Variants in COG6 observed in about 807,000 individuals in gnomAD.
The protein encoded by COG6 is component of oligomeric golgi complex 6, also known as conserved oligomeric Golgi complex subunit 6.
COG6 carries 74 observed loss-of-function variants against 88.8 expected under a neutral mutation model. The observed-to-expected ratio is 0.83, with a 90% CI of 0.69 to 1.01. COG6 has a LOEUF of 1.01. Among genes scored for constraint, COG6 ranks in the 50% least tolerant of loss-of-function variants. The pLI, the probability that COG6 is intolerant of heterozygous loss-of-function variation, is 0.00. For synonymous variants in COG6, 286 were observed against 278.7 expected, an observed-to-expected ratio of 1.03 and a Z score of -0.26; for missense variants, 800 against 797.9, an observed-to-expected ratio of 1.00 and a Z score of -0.03.
In COG6 at chr13:39,678,858, G is replaced by T. The variant is rs774740240; in HGVS notation, c.541-680G>T. ...CTGCCCTCATGTTTTGAGGAACTTT[G>T]CACATATGAAATATTTGACATATCA... On this transcript the variant is annotated intron_variant, in intron 5 of 18. Coordinates refer to ENST00000455146, the MANE Select transcript of COG6 (RefSeq NM_020751.3). Among the ~76,000 whole-genome samples the T allele has an allele frequency of 5.9e-5, 9 of 151,974 alleles. No homozygotes were observed. The East Asian group carries it at 1.2e-3, about 20-fold the overall frequency.
At chr13:39,699,166 T>C (rs980729394) in intron 12 of COG6, among the ~76,000 whole-genome samples, 1 of 151,762 alleles carries the variant, frequency 6.6e-6, no homozygotes, top group Non-Finnish European at 1.5e-5. Flanking sequence ...ATTAACTGTC[T>C]TAGATAATTG....
At chr13:39,699,953 C>G (rs748684019) in intron 13 of COG6, among the ~76,000 whole-genome samples, 1 of 151,780 alleles carries the variant, frequency 6.6e-6, no homozygotes, top group Non-Finnish European at 1.5e-5. Context: ...AACCAGAACT[C>G]TTACAAAATA....
intron 13 of COG6, among the ~76,000 whole-genome samples, chr13:39,710,964 TTTTG>T (rs1339140345): frequency 1.3e-5 from 2 of 152,090 alleles, no homozygotes; most frequent in Non-Finnish European, 2.9e-5. Context: ...CTAATTTTAC[TTTTG>T]TTTAAGATTA....
exon 19 of COG6, chr13:39,788,359 A>G: frequency 6.4e-7 from 1 of 1,551,772 alleles, no homozygotes. Flanking sequence ...GCCCATGATC[A>G]TCTTGTAACC....
intron 13 of COG6, among the ~76,000 whole-genome samples, chr13:39,718,873 GA>G (rs1396658989): frequency 2.6e-5 from 4 of 152,008 alleles, no homozygotes; most frequent in African/African-American, 9.7e-5. Flanking sequence ...ATTATAGTTG[GA>G]ATAGTGCTGG....
At chr13:39,660,248 T>C (rs1032269505) in intron 2 of COG6, among the ~76,000 whole-genome samples, 16 of 152,112 alleles carry the variant, frequency 1.1e-4, no homozygotes, top group Non-Finnish European at 2.1e-4. Context: ...GTAGTGGCTG[T>C]TCCCAGGTAT....
At chr13:39,689,029 T>C (rs1258471008) in intron 10 of COG6, among the ~76,000 whole-genome samples, 2 of 152,202 alleles carry the variant, frequency 1.3e-5, no homozygotes, top group African/African-American at 4.8e-5. Context: ...ACTCAGCATA[T>C]ATGTTAGATT....
chr13:39,681,680 A>G (rs1876323945), intron 7 of COG6, among the ~76,000 whole-genome samples: 1 of 152,192 alleles, frequency 6.6e-6, no homozygotes, highest in South Asian at 2.1e-4. Flanking sequence ...ATAATAAAGA[A>G]AAGTTGGTGT....
At chr13:39,741,571 A>G (rs1243061591) in intron 18 of COG6, among the ~76,000 whole-genome samples, 1 of 152,174 alleles carries the variant, frequency 6.6e-6, no homozygotes, top group Non-Finnish European at 1.5e-5. Context: ...GTAAAAAGAA[A>G]CAAACAAAGC....
At chr13:39,681,452 C>G (rs1320725949) in intron 7 of COG6, among the ~76,000 whole-genome samples, 2 of 152,154 alleles carry the variant, frequency 1.3e-5, no homozygotes, top group Non-Finnish European at 2.9e-5. Flanking sequence ...CAACATCTTA[C>G]ATAGTGGTTC....
intron 18 of COG6, 28 bp downstream of exon 18, chr13:39,727,576 G>A: frequency 2.0e-6 from 3 of 1,470,514 alleles, no homozygotes; most frequent in Non-Finnish European, 1.9e-6. Flanking sequence ...CAAGTAGTTG[G>A]TAAAGATTCA....
At chr13:39,657,276 C>G (rs1021905123) in intron 1 of COG6, among the ~76,000 whole-genome samples, 15 of 152,216 alleles carry the variant, frequency 9.9e-5, no homozygotes, top group African/African-American at 3.6e-4. Context: ...GGTGATCTGC[C>G]CGCCTCAGCC....
At chr13:39,759,101 G>A (rs1448496526) in intron 18 of COG6, among the ~76,000 whole-genome samples, 1 of 152,120 alleles carries the variant, frequency 6.6e-6, no homozygotes, top group Non-Finnish European at 1.5e-5. Flanking sequence ...CAGCTAACAG[G>A]TACTTTTTGG....
At position 39,698,190 on chromosome 13, in the gene COG6, AT is replaced by A. The variant is rs531097861; in HGVS notation, c.1167-1310del. On this transcript the variant is annotated intron_variant, in intron 12 of 18. Transcript: ENST00000455146. ...TGATAACTCCATATTAAAAAAAAAA[AT>A]GAATGTAAATGTATGTTGAGTTCTC... 5.4e-4 allele frequency among the ~76,000 whole-genome samples: 81 copies of A among 150,924 alleles called. No individual in the cohort carries two copies. In the East Asian group the frequency reaches 9.0e-3, roughly 17 times the overall value.
At chr13:39,697,565 C>T (rs185301089) in intron 12 of COG6, among the ~76,000 whole-genome samples, 3 of 151,962 alleles carry the variant, frequency 2.0e-5, no homozygotes, top group East Asian at 1.9e-4. Context: ...TTTCCTATGC[C>T]CTTATCACTA....
chr13:39,741,921 C>G (rs1880065287), intron 18 of COG6, among the ~76,000 whole-genome samples: 3 of 152,206 alleles, frequency 2.0e-5, no homozygotes. Flanking sequence ...AGAAACTCTA[C>G]AAGCCAGAAG....
At chr13:39,750,488 G>A (rs1448381907) in intron 18 of COG6, among the ~76,000 whole-genome samples, 1 of 152,186 alleles carries the variant, frequency 6.6e-6, no homozygotes, top group Non-Finnish European at 1.5e-5. Flanking sequence ...GGTTGTTAGT[G>A]TAAAAGCTGT....
intron 18 of COG6, among the ~76,000 whole-genome samples, chr13:39,779,761 A>C (rs562291507): frequency 1.3e-5 from 2 of 152,308 alleles, no homozygotes; most frequent in East Asian, 3.9e-4. Context: ...TGTCTCTGAC[A>C]TCACAGGAAG....
At chr13:39,668,752 C>T (rs1875430963) in intron 4 of COG6, among the ~76,000 whole-genome samples, 1 of 149,868 alleles carries the variant, frequency 6.7e-6, no homozygotes, top group Non-Finnish European at 1.5e-5. Flanking sequence ...CGCGCCACTG[C>T]ACTCCAGCCT....
Sources: allele counts gnomAD v4.1 joint callset (sites outside exome capture counted in the v4.1 genomes callset), GRCh38; gene constraint gnomAD v4.1.1; transcripts MANE v1.5; gene names NCBI Gene and HGNC (gene_info 2026-07-23, HGNC 2026-07-21).